Variants in MAN2A1 observed in about 807,000 individuals in gnomAD.
The protein encoded by MAN2A1 is mannosidase alpha class 2A member 1, also known as alpha-mannosidase 2.
In MAN2A1, 76 loss-of-function variants were observed where a neutral mutation model predicts 142.6. The ratio of observed to expected loss-of-function variants is 0.53; its 90% CI spans 0.44 to 0.65. The LOEUF is 0.65. Ranked by LOEUF, MAN2A1 falls within the 30% of genes least tolerant of loss-of-function variation. MAN2A1 has a pLI of 0.00. For synonymous variants in MAN2A1, 559 were observed against 473.2 expected (o/e 1.18, Z -2.35); for missense variants, 1,311 against 1,365.1 (o/e 0.96, Z 0.62).
At chr5:109,746,175 A>G (rs767861598) in intron 4 of MAN2A1, among the ~76,000 whole-genome samples, 1 of 152,094 alleles carries the variant, frequency 6.6e-6, no homozygotes. Context: ...GGGTTTCGCC[A>G]TGTTGGCCAG....
intron 8 of MAN2A1, among the ~76,000 whole-genome samples, chr5:109,777,289 G>C (rs1368861310): frequency 1.3e-5 from 2 of 151,924 alleles, no homozygotes; most frequent in Non-Finnish European, 2.9e-5. Flanking sequence ...TAGATGGGAT[G>C]GTTTTATTTT....
chr5:109,861,299 G>T (rs530893252), intron 20 of MAN2A1, among the ~76,000 whole-genome samples: 4 of 152,220 alleles, frequency 2.6e-5, no homozygotes, highest in African/African-American at 9.6e-5. Flanking sequence ...GTTCTCACCT[G>T]TGATAGTTCA....
intron 16 of MAN2A1, among the ~76,000 whole-genome samples, chr5:109,833,543 G>A (rs961928973): frequency 6.6e-6 from 1 of 152,118 alleles, no homozygotes; most frequent in African/African-American, 2.4e-5. Flanking sequence ...GGAGGCGTGC[G>A]CCTGCAATCC....
intron 13 of MAN2A1, 124 bp downstream of exon 13, chr5:109,817,562 TAAATA>T: frequency 3.4e-6 from 3 of 879,230 alleles, no homozygotes; most frequent in Non-Finnish European, 3.5e-6. Context: ...ATGAAAGTTG[TAAATA>T]CCAGAGAGTT....
chr5:109,713,706 T>C lies in MAN2A1; in HGVS notation c.322T>C (p.Ser108Pro), dbSNP rs1751369682. ...AGSHLLPSQLSLSVDTADCLF... is the reference protein window; with the variant it reads ...AGSHLLPSQLPLSVDTADCLF... ...CTCACATCTTCTGCCCTCACAATTATCCCTCTCAGTTGACACTGCAGACTG... is the reference window on the plus strand; with the variant it reads ...CTCACATCTTCTGCCCTCACAATTACCCCTCTCAGTTGACACTGCAGACTG... The change falls in exon 2 of 22, where the codon TCC becomes CCC. Residue 108 changes from serine (S) to proline (P), a missense_variant. Ser to Pro is a moderately conservative substitution (Grantham distance 74). Around this residue, in one of 3 missense-constraint regions of MAN2A1, gnomAD observed 409 missense variants for 412.7 expected, o/e 0.99. Transcript: ENST00000261483. 6.2e-7 allele frequency: 1 copy of C among 1,613,982 alleles called. No individual in the cohort carries two copies. The highest frequency in any genetic ancestry group is 1.3e-5 in the African/African-American group (1 of 74,896).
chr5:109,842,239 A>G (rs1370731735), intron 16 of MAN2A1, 89 bp from the exon 17 acceptor site: 1 of 746,162 alleles, frequency 1.3e-6, no homozygotes, highest in South Asian at 2.5e-5. Context: ...AGAAAATGTA[A>G]CTTTGGAAAG....
chr5:109,784,566 T>G (rs1388570869), intron 9 of MAN2A1, among the ~76,000 whole-genome samples, 178 bp from the exon 10 acceptor site: 1 of 152,184 alleles, frequency 6.6e-6, no homozygotes, highest in Admixed American at 6.5e-5. Context: ...AGAACGTAAA[T>G]GTGTTATACG....
At chr5:109,811,098 G>C (rs535545834) in intron 12 of MAN2A1, among the ~76,000 whole-genome samples, 31 of 150,920 alleles carry the variant, frequency 2.1e-4, no homozygotes. Flanking sequence ...GTATTTTTCA[G>C]TTATGGCTAG....
rs1377650654 is a variant in MAN2A1, at chr5:109,852,107, T to C, written c.2977-3033T>C. Reference sequence around the variant, plus strand: ...TTTTGGGTTTTTTGAGGTTGCTTTTTTATTATGAATTTTTTATTAAAGAGT... The same window carrying C: ...TTTTGGGTTTTTTGAGGTTGCTTTTCTATTATGAATTTTTTATTAAAGAGT... On this transcript the variant is annotated intron_variant, in intron 19 of 21. Transcript: ENST00000261483. Among the ~76,000 whole-genome samples the C allele has an allele frequency of 3.1e-4, 47 of 151,042 alleles. 1 individual carries two copies. The highest frequency in any genetic ancestry group is 8.8e-5 in the Non-Finnish European group (6 of 67,896).
In MAN2A1 at chr5:109,855,272, C is replaced by G. The variant is rs1318621808; in HGVS notation, c.3109C>G (p.Pro1037Ala). The change falls in exon 20 of 22, where the codon CCA (proline) becomes GCA (alanine). Residue 1037 changes from proline (P) to alanine (A), a missense_variant. By Grantham distance (27) the Pro-to-Ala change is conservative. Around this residue, in one of 3 missense-constraint regions of MAN2A1, gnomAD observed 890 missense variants for 920.5 expected, o/e 0.97. Coordinates refer to ENST00000261483, the MANE Select transcript of MAN2A1 (RefSeq NM_002372.4). Reference sequence around the variant, plus strand: ...CCTTGAGCTGCAAGGTGAATTCTCTCCATTACAGTCATCTTTGCCTTGTGA... The same window carrying G: ...CCTTGAGCTGCAAGGTGAATTCTCTGCATTACAGTCATCTTTGCCTTGTGA... ...PTLELQGEFS[P>A]LQSSLPCDIH... 6 of 1,604,938 alleles carry G rather than the reference C, an allele frequency of 3.7e-6. No individual in the cohort carries two copies. The highest frequency in any genetic ancestry group is 5.1e-6 in the Non-Finnish European group (6 of 1,176,920).
chr5:109,741,474 T>C (rs1582847236), intron 4 of MAN2A1, among the ~76,000 whole-genome samples: 2 of 152,350 alleles, frequency 1.3e-5, no homozygotes, highest in South Asian at 4.1e-4. Flanking sequence ...ATAGATTTTT[T>C]TGTGTGACTT....
chr5:109,823,782 A>G lies in MAN2A1; in HGVS notation c.2511A>G (p.Glu837=). The G allele has an allele frequency of 6.2e-7, 1 of 1,609,124 alleles. No individual in the cohort carries two copies. The highest frequency in any genetic ancestry group is 8.5e-7 in the Non-Finnish European group (1 of 1,178,060). Residue 837 remains glutamate, a synonymous_variant, in exon 16 of 22, where the codon GAA becomes GAG. Transcript: ENST00000261483. ...TGACACATGGAAGGATTTATTCGGA[A>G]GTGACTTGCTTTTTTGACCATGTTA... ...VRVTHGRIYS[E]VTCFFDHVTH...
In MAN2A1 at chr5:109,690,311, C is replaced by A. The variant is rs1041776964; in HGVS notation, c.-107C>A. 8 of 1,229,504 alleles carry A rather than the reference C, an allele frequency of 6.5e-6. No individual in the cohort carries two copies. In the African/African-American group the frequency reaches 7.4e-5, roughly 11 times the overall value. The allele number at this position is 1,229,504 out of a possible 1,614,324, so 76.2% of individuals were successfully genotyped here. ...CACCCGCATCCGAGAGCGCGGAGGT[C>A]GCGCAGCCCGGGAGAAGGGAGCCTC... On this transcript the variant is annotated 5_prime_UTR_variant, in exon 1 of 22. Coordinates refer to ENST00000261483, the MANE Select transcript of MAN2A1 (RefSeq NM_002372.4).
intron 16 of MAN2A1, among the ~76,000 whole-genome samples, chr5:109,828,019 C>T (rs570237675): frequency 4.0e-5 from 6 of 151,674 alleles, no homozygotes; most frequent in African/African-American, 4.8e-5. Context: ...GCAGGAGAAT[C>T]GCTTCAACGC....
At chr5:109,779,478 T>A (rs1000618354) in intron 8 of MAN2A1, among the ~76,000 whole-genome samples, 7 of 152,142 alleles carry the variant, frequency 4.6e-5, no homozygotes, top group Non-Finnish European at 8.8e-5. Context: ...TTTCCTGAGC[T>A]CATCTGTATC....
intron 12 of MAN2A1, among the ~76,000 whole-genome samples, chr5:109,792,014 A>G (rs1383463152): frequency 1.3e-5 from 2 of 152,114 alleles, no homozygotes; most frequent in Non-Finnish European, 2.9e-5. Context: ...TGTGAGCTAT[A>G]TCATGTGTGG....
At chr5:109,705,503 G>C (rs1751105700) in intron 1 of MAN2A1, among the ~76,000 whole-genome samples, 1 of 152,246 alleles carries the variant, frequency 6.6e-6, no homozygotes, top group Non-Finnish European at 1.5e-5. Context: ...CAGCTCCTTA[G>C]GGTCATGGCT....
intron 1 of MAN2A1, among the ~76,000 whole-genome samples, chr5:109,708,260 G>A (rs1205201943): frequency 6.6e-6 from 1 of 152,070 alleles, no homozygotes; most frequent in Non-Finnish European, 1.5e-5. Flanking sequence ...ATAAGGTAAG[G>A]GCAGAGTGCT....
chr5:109,708,996 A>G (rs1022809786), intron 1 of MAN2A1, among the ~76,000 whole-genome samples: 2 of 152,190 alleles, frequency 1.3e-5, no homozygotes, highest in South Asian at 4.1e-4. Context: ...CAATAATTCT[A>G]ATCAATTGCT....
Sources: gnomAD v4.1 joint callset for allele counts (sites outside exome capture counted in the v4.1 genomes callset) on GRCh38, gnomAD v4.1.1 for gene constraint, gnomAD v4.1.1 regional missense constraint, MANE v1.5 for transcripts, NCBI Gene and HGNC (gene_info 2026-07-23, HGNC 2026-07-21) for gene names.